Variants in MBD5 observed in about 807,000 individuals in gnomAD.
The protein encoded by MBD5 is methyl-CpG-binding domain protein 5.
Under a neutral mutation model 117.3 loss-of-function variants are expected in MBD5, and 13 were observed. The observed-to-expected ratio is 0.11, with a 90% CI of 0.07 to 0.18. MBD5 has a LOEUF of 0.18. MBD5 is among the 10% of genes least tolerant of loss of function. MBD5 has a pLI of 1.00. For synonymous variants in MBD5, 727 were observed against 766.4 expected (o/e 0.95, Z 0.85); for missense variants, 1,879 against 2,093.8 (o/e 0.90, Z 2.00).
chr2:148,382,354 A>G (rs1338426008), intron 4 of MBD5, among the ~76,000 whole-genome samples: 2 of 152,202 alleles, frequency 1.3e-5, no homozygotes, highest in East Asian at 1.9e-4. Flanking sequence ...AAAAGAGACA[A>G]AGAAGACCAT....
intron 1 of MBD5, among the ~76,000 whole-genome samples, chr2:148,022,302 G>A (rs1693772263): frequency 6.6e-6 from 1 of 151,972 alleles, no homozygotes; most frequent in Non-Finnish European, 1.5e-5. Flanking sequence ...TTTTTAGTTG[G>A]TAGAGGCCTT....
At chr2:148,328,425 C>T (rs903006977) in intron 3 of MBD5, among the ~76,000 whole-genome samples, 2 of 152,006 alleles carry the variant, frequency 1.3e-5, no homozygotes, top group African/African-American at 4.8e-5. Flanking sequence ...CAATGGTGGG[C>T]GCCCCTCCCC....
chr2:148,505,789 G>A (rs1457581473), intron 12 of MBD5, among the ~76,000 whole-genome samples: 1 of 152,266 alleles, frequency 6.6e-6, no homozygotes, highest in South Asian at 2.1e-4. Flanking sequence ...AGAGGAAAAG[G>A]CTGAAAAAGG....
intron 3 of MBD5, among the ~76,000 whole-genome samples, chr2:148,308,889 A>G (rs191548924): frequency 5.9e-4 from 90 of 152,238 alleles, no homozygotes; most frequent in African/African-American, 2.0e-3. Context: ...CAGTTTTCCT[A>G]ACAACATTTA....
chr2:148,325,449 T>C (rs1702419296), intron 3 of MBD5, among the ~76,000 whole-genome samples: 1 of 152,256 alleles, frequency 6.6e-6, no homozygotes, highest in Non-Finnish European at 1.5e-5. Flanking sequence ...AATTCGGCTG[T>C]GAATCCGTCT....
rs1254788872 is a variant in MBD5 at position 148,463,851 on chromosome 2, C to T, written c.329C>T (p.Ala110Val). 6.2e-7 allele frequency: 1 copy of T among 1,613,522 alleles called. No individual in the cohort carries two copies. The highest frequency in any genetic ancestry group is 2.2e-5 in the East Asian group (1 of 44,874). The change falls in exon 7 of 14, where the codon GCC (alanine) becomes GTC (valine). Residue 110 changes from alanine to valine, a missense_variant. Physicochemically the swap from Ala to Val is moderately conservative, Grantham distance 64. Transcript: ENST00000642680. ...CIHKRKIIAV[A>V]TLHKSMEAPH... is the part of the protein sequence containing the mutation. ...CATAAAAGAAAAATTATTGCAGTGG[C>T]CACACTTCATAAAAGCATGGAAGCC...
chr2:148,043,554 C>G (rs1694435893), intron 1 of MBD5, among the ~76,000 whole-genome samples: 1 of 152,156 alleles, frequency 6.6e-6, no homozygotes, highest in African/African-American at 2.4e-5. Flanking sequence ...TGATGGTTCT[C>G]TTTCCATCAC....
chr2:148,395,421 C>T (rs1704680541), intron 4 of MBD5, among the ~76,000 whole-genome samples: 1 of 141,300 alleles, frequency 7.1e-6, no homozygotes, highest in African/African-American at 2.5e-5. Flanking sequence ...ATTGGCCCAA[C>T]TCATCTTTTT....
chr2:148,281,237 T>C (rs1431241656), intron 3 of MBD5, among the ~76,000 whole-genome samples: 1 of 152,220 alleles, frequency 6.6e-6, no homozygotes. Context: ...GTATCCTACA[T>C]GACTTAACGC....
rs1697446064 is a variant in MBD5, at chr2:148,145,884, A to G, written c.-924-32816A>G. Among the ~76,000 whole-genome samples the G allele has an allele frequency of 2.6e-5, 4 of 152,270 alleles. No individual in the cohort carries two copies. In the South Asian group the frequency reaches 6.2e-4, roughly 24 times the overall value. The stretch of plus-strand genomic sequence containing the variant: ...ATTGAGGATTTTTGCATCGATGTTC[A>G]TCAGGGATATTGGTCTAAAATTCTC... On this transcript the variant is annotated intron_variant, in intron 1 of 13. Coordinates refer to ENST00000642680, the MANE Select transcript of MBD5 (RefSeq NM_001378120.1).
chr2:148,203,061 C>T (rs1191714310), intron 2 of MBD5, among the ~76,000 whole-genome samples: 11 of 148,122 alleles, frequency 7.4e-5, no homozygotes, highest in Non-Finnish European at 5.9e-5. Context: ...GCCAAGATCG[C>T]GCCATTGCAC....
At chr2:148,062,272 G>A (rs528417426) in intron 1 of MBD5, 9 of 151,234 alleles carry the variant, frequency 6.0e-5, no homozygotes, top group Non-Finnish European at 8.9e-5. Flanking sequence ...ACTAAAGTTT[G>A]ACAGTAATCC....
intron 1 of MBD5, among the ~76,000 whole-genome samples, chr2:148,029,363 G>A (rs1298624020): frequency 6.6e-6 from 1 of 151,990 alleles, no homozygotes; most frequent in Non-Finnish European, 1.5e-5. Flanking sequence ...TCTGTAGAAG[G>A]TGTTACTTTG....
intron 3 of MBD5, among the ~76,000 whole-genome samples, chr2:148,276,140 T>C (rs750780538): frequency 1.3e-5 from 2 of 152,058 alleles, no homozygotes; most frequent in Non-Finnish European, 1.5e-5. Context: ...AGCAAGACCC[T>C]GTCTCTACCA....
intron 3 of MBD5, among the ~76,000 whole-genome samples, chr2:148,279,647 CTTT>C (rs2106375578): frequency 6.6e-6 from 1 of 152,280 alleles, no homozygotes; most frequent in South Asian, 2.1e-4. Context: ...TTCCATTCTT[CTTT>C]ATTTTCATTT....
In MBD5 at chr2:148,091,251, CA is replaced by C. The variant is rs532802260; in HGVS notation, c.-925+69568del. Among the ~76,000 whole-genome samples, 96 of 152,210 alleles carry C rather than the reference CA, an allele frequency of 6.3e-4. 5 individuals are homozygous for C. Among genetic ancestry groups the C allele is most frequent in the Admixed American group, 5.8e-3 (89 of 15,286 alleles). Reference sequence around the variant, plus strand: ...TACTGCCAAAAGTAAGCTACAAATTCAGTGCAGTTCCCATCAAAATACCATC... The same window carrying C: ...TACTGCCAAAAGTAAGCTACAAATTCGTGCAGTTCCCATCAAAATACCATC... On this transcript the variant is annotated intron_variant, in intron 1 of 13. Coordinates refer to ENST00000642680, the MANE Select transcript of MBD5 (RefSeq NM_001378120.1).
chr2:148,363,592 G>A (rs1703605002), intron 4 of MBD5, among the ~76,000 whole-genome samples: 1 of 151,906 alleles, frequency 6.6e-6, no homozygotes, highest in African/African-American at 2.4e-5. Flanking sequence ...GTTAAGAAAA[G>A]ACCTGTTCTG....
chr2:148,125,798 G>A (rs1696874987), intron 1 of MBD5, among the ~76,000 whole-genome samples: 1 of 152,182 alleles, frequency 6.6e-6, no homozygotes, highest in African/African-American at 2.4e-5. Flanking sequence ...AAGGGCTATG[G>A]CTGCCACTTA....
At chr2:148,073,035 C>G (rs1695404038) in intron 1 of MBD5, among the ~76,000 whole-genome samples, 1 of 152,126 alleles carries the variant, frequency 6.6e-6, no homozygotes, top group South Asian at 2.1e-4. Context: ...ACCCTCCACC[C>G]CACCCCACCA....
Sources: gnomAD v4.1 joint callset for allele counts (sites outside exome capture counted in the v4.1 genomes callset) on GRCh38, gnomAD v4.1.1 for gene constraint, MANE v1.5 for transcripts, NCBI Gene and HGNC (gene_info 2026-07-23, HGNC 2026-07-21) for gene names.